Variants in KMT2A observed in about 807,000 individuals in gnomAD.
The protein encoded by KMT2A is histone-lysine N-methyltransferase 2A.
KMT2A carries 16 observed loss-of-function variants against 345.3 expected under a neutral mutation model. The observed-to-expected ratio is 0.05, with a 90% CI of 0.03 to 0.07. The LOEUF (loss-of-function observed/expected upper bound fraction) is 0.07. Ranked by LOEUF, KMT2A falls within the 10% of genes least tolerant of loss-of-function variation. The pLI, the probability that KMT2A is intolerant of heterozygous loss-of-function variation, is 1.00. For synonymous variants in KMT2A, 1,599 were observed against 1,778.6 expected (o/e 0.90, Z 2.54); for missense variants, 3,272 against 4,841.6 (o/e 0.68, Z 9.62).
In KMT2A at chr11:118,481,788, C is replaced by T. The variant is rs375849517; in HGVS notation, c.3708C>T (p.Asn1236=). The stretch of plus-strand genomic sequence containing the variant: ...GCAAAGAGAGCAGTGTTGTGAAGAA[C>T]GTGGTGGACTCTAGTCAGAAACCTA... ...KDSKESSVVK[N]VVDSSQKPTP... is the part of the protein sequence containing the mutation. The change falls in exon 7 of 36, where the codon AAC becomes AAT. Residue 1236 remains asparagine, a synonymous_variant. Transcript: ENST00000534358. 1.5e-5 allele frequency: 24 copies of T among 1,614,048 alleles called. No individual in the cohort carries two copies. The highest frequency in any genetic ancestry group is 1.6e-4 in the Middle Eastern group (1 of 6,084).
chr11:118,516,941 T>G (rs187584304), intron 31 of KMT2A, among the ~76,000 whole-genome samples: 1 of 152,242 alleles, frequency 6.6e-6, no homozygotes, highest in East Asian at 1.9e-4. Context: ...CTCTGGTGAG[T>G]GAGAGTTGAA....
At chr11:118,440,850 G>T (rs1949298414) in intron 1 of KMT2A, among the ~76,000 whole-genome samples, 1 of 149,548 alleles carries the variant, frequency 6.7e-6, no homozygotes, top group Non-Finnish European at 1.5e-5. Flanking sequence ...CTCCTTCGTT[G>T]CCTTCACAGC....
chr11:118,459,873 G>A (rs1555032048), intron 1 of KMT2A, among the ~76,000 whole-genome samples: 1 of 151,434 alleles, frequency 6.6e-6, no homozygotes, highest in Non-Finnish European at 1.5e-5. Flanking sequence ...TTTTGGTAGA[G>A]ACAGGGTTTC....
intron 1 of KMT2A, among the ~76,000 whole-genome samples, chr11:118,438,443 G>A (rs1949244844): frequency 7.0e-6 from 1 of 143,246 alleles, no homozygotes; most frequent in Non-Finnish European, 1.5e-5. Context: ...TTGTAGAGGG[G>A]GGAGGATGGC....
In KMT2A at chr11:118,523,342, G is replaced by T; in HGVS notation, c.*1170G>T. The T allele has an allele frequency of 4.4e-6, 1 of 229,024 alleles. No homozygotes were observed. Among genetic ancestry groups the T allele is most frequent in the East Asian group, 6.3e-5 (1 of 15,954 alleles). The allele number at this position is 229,024 out of a possible 1,614,324, so 14.2% of individuals were successfully genotyped here. On this transcript the variant is annotated 3_prime_UTR_variant, in exon 36 of 36. Coordinates refer to ENST00000534358, the MANE Select transcript of KMT2A (RefSeq NM_001197104.2). ...AATCAGATTTCAAGGCCCACAACTT[G>T]GGGACTAGACCACCTTATGTTGAGG...
chr11:118,469,152 T>C (rs1489674788), intron 2 of KMT2A, among the ~76,000 whole-genome samples: 1 of 83,032 alleles, frequency 1.2e-5, no homozygotes, highest in Admixed American at 1.5e-4. Flanking sequence ...TCCCCCCAGC[T>C]AGACTTCTTT....
In KMT2A at chr11:118,502,546, T is replaced by C; in HGVS notation, c.6654T>C (p.Thr2218=). The change falls in exon 27 of 36, where the codon ACT becomes ACC. Residue 2218 remains threonine, a synonymous_variant. Transcript: ENST00000534358. This position sits in a 1 kb window ranked among gnomAD's most constrained non-coding sequence, Gnocchi z 4.9. Reference sequence around the variant, plus strand: ...TCCGGATAATGTCTCCAATGAGAACTGGGAATACTTACTCTAGGAATAATG... The same window carrying C: ...TCCGGATAATGTCTCCAATGAGAACCGGGAATACTTACTCTAGGAATAATG... ...SKLRIMSPMR[T]GNTYSRNNVS... 6.2e-7 allele frequency: 1 copy of C among 1,614,140 alleles called. No homozygotes were observed. The highest frequency in any genetic ancestry group is 8.5e-7 in the Non-Finnish European group (1 of 1,180,014).
intron 31 of KMT2A, among the ~76,000 whole-genome samples, chr11:118,512,858 T>G (rs76091267): frequency 0.02 from 3,068 of 152,208 alleles, 116 homozygotes; most frequent in African/African-American, 0.068. Flanking sequence ...TTTCTTAAAG[T>G]TGAAATCATT....
chr11:118,488,121 A>G (rs952067684), intron 10 of KMT2A, among the ~76,000 whole-genome samples: 2 of 152,262 alleles, frequency 1.3e-5, no homozygotes, highest in African/African-American at 4.8e-5. Flanking sequence ...CGGAGGTTGC[A>G]GTGAGTCGAG....
At position 118,473,133 on chromosome 11, in the gene KMT2A, C is replaced by T. The variant is rs9332773; in HGVS notation, c.1974C>T (p.Pro658=). 1.4e-3 allele frequency: 2,210 copies of T among 1,614,164 alleles called. 41 individuals are homozygous for T. The East Asian group carries it at 0.036, about 27-fold the overall frequency. The part of the protein sequence containing the change: ...FDNFRPPPLT[P]EDVGFASGFS... ...ATTTCCGACCCCCTCCACTAACTCC[C>T]GAGGACGTTGGCTTTGCATCTGGTT... Residue 658 remains proline (P), a synonymous_variant, in exon 3 of 36, where the codon CCC becomes CCT. Transcript: ENST00000534358. This position sits in a 1 kb window ranked among gnomAD's most constrained non-coding sequence, Gnocchi z 5.2.
Position 118,490,266 on chromosome 11 carries a change from G to C in KMT2A, c.4696+17G>C. 1 of 1,536,778 alleles carries C rather than the reference G, an allele frequency of 6.5e-7. No homozygotes were observed. The highest frequency in any genetic ancestry group is 1.3e-5 in the South Asian group (1 of 77,922). ...TTGCTAAAGGTACCCAAAAAAGCCA[G>C]TTTTGCCAGCTTTCGGAGGTTGTAC... On this transcript the variant is annotated intron_variant, in intron 13 of 35. Coordinates refer to ENST00000534358, the MANE Select transcript of KMT2A (RefSeq NM_001197104.2). This position sits in a 1 kb window ranked among gnomAD's most constrained non-coding sequence, Gnocchi z 4.2.
In KMT2A at chr11:118,471,874, A is replaced by G. The variant is rs782802602; in HGVS notation, c.715A>G (p.Lys239Glu). ...PGVKIKITHG[K>E]DISELPKGNK... is the part of the protein sequence containing the mutation. ...AGTAAAAATCAAAATAACACATGGA[A>G]AGGACATTTCAGAGTTACCAAAGGG... is the stretch of plus-strand genomic sequence containing the variant. The change falls in exon 3 of 36, where the codon AAG becomes GAG. Residue 239 changes from lysine to glutamate, a missense_variant. Around this residue, in one of 27 missense-constraint regions of KMT2A, gnomAD observed 412 missense variants for 511.0 expected, o/e 0.81. Coordinates refer to ENST00000534358, the MANE Select transcript of KMT2A (RefSeq NM_001197104.2). 1.2e-6 allele frequency: 2 copies of G among 1,613,166 alleles called. No individual in the cohort carries two copies. Among genetic ancestry groups the G allele is most frequent in the Non-Finnish European group, 1.7e-6 (2 of 1,179,724 alleles).
Position 118,520,799 on chromosome 11 carries a change from T to C in KMT2A, c.11430-3T>C, listed in dbSNP as rs1346666618. On this transcript the variant is annotated splice_polypyrimidine_tract_variant and splice_region_variant and intron_variant, in intron 33 of 35. Coordinates refer to ENST00000534358, the MANE Select transcript of KMT2A (RefSeq NM_001197104.2). This position sits in a 1 kb window ranked among gnomAD's most constrained non-coding sequence, Gnocchi z 4.3. ...TTCGTTAATAGTATGTCTTATCTCTTAGGAGGGCAACTAGCATGGATCTGC... is the reference window on the plus strand; with the variant it reads ...TTCGTTAATAGTATGTCTTATCTCTCAGGAGGGCAACTAGCATGGATCTGC... 6.2e-7 allele frequency: 1 copy of C among 1,612,996 alleles called. No individual in the cohort carries two copies. Among genetic ancestry groups the C allele is most frequent in the African/African-American group, 1.3e-5 (1 of 75,012 alleles).
chr11:118,498,059 A>C lies in KMT2A; in HGVS notation c.5788A>C (p.Arg1930=). The C allele has an allele frequency of 6.2e-7, 1 of 1,614,070 alleles. No homozygotes were observed. The highest frequency in any genetic ancestry group is 8.5e-7 in the Non-Finnish European group (1 of 1,179,978). The part of the protein sequence containing the change: ...SLKNVHMAVI[R]GKQLRCEFCQ... ...AAAGAATGTGCATATGGCTGTGATC[A>C]GGGGCAAGCAGCTGGTAAGACCTTA... is the stretch of plus-strand genomic sequence containing the variant. The change falls in exon 21 of 36, where the codon AGG becomes CGG. Residue 1930 remains arginine, a synonymous_variant. Transcript: ENST00000534358. The surrounding 1 kb of genome is among the most constrained non-coding windows in gnomAD (Gnocchi z 4.4).
Position 118,436,671 on chromosome 11 carries a change from G to T in KMT2A, c.159G>T (p.Ala53=), listed in dbSNP as rs1949187348. The change falls in exon 1 of 36, where the codon GCG becomes GCT. Residue 53 remains alanine (A), a synonymous_variant. Transcript: ENST00000534358. This position sits in a 1 kb window ranked among gnomAD's most constrained non-coding sequence, Gnocchi z 6.9. ...CGGTCGGCGGTGGCGGCCCCGGGGC[G>T]CCCCCCTCCCCCCCGGCTGTGGCGG... ...GPPVGGGGPG[A]PPSPPAVAAA... 1 of 1,223,172 alleles carries T rather than the reference G, an allele frequency of 8.2e-7. No individual in the cohort carries two copies. Among genetic ancestry groups the T allele is most frequent in the Non-Finnish European group, 1.0e-6 (1 of 979,600 alleles). 75.8% of individuals were successfully genotyped at this position (1,223,172 alleles called of 1,614,324 possible). A position where few individuals can be genotyped will look rare whatever the true frequency, so the allele number is the denominator to read the frequency against.
chr11:118,510,217 C>G lies in KMT2A; in HGVS notation c.11071+99C>G, dbSNP rs1950659330. 1 of 947,120 alleles carries G rather than the reference C, an allele frequency of 1.1e-6. No homozygotes were observed. Among genetic ancestry groups the G allele is most frequent in the African/African-American group, 1.7e-5 (1 of 60,036 alleles). 58.7% of individuals were successfully genotyped at this position (947,120 alleles called of 1,614,324 possible). A position where few individuals can be genotyped will look rare whatever the true frequency, so the allele number is the denominator to read the frequency against. ...GCACCATTTAGGTGGCTGTTTTATG[C>G]TAGATGGTAGGGGGATACCTGGAGG... is the stretch of plus-strand genomic sequence containing the variant. On this transcript the variant is annotated intron_variant, in intron 30 of 35. Coordinates refer to ENST00000534358, the MANE Select transcript of KMT2A (RefSeq NM_001197104.2). The surrounding 1 kb of genome is among the most constrained non-coding windows in gnomAD (Gnocchi z 4.1).
rs1555138793 is a variant in KMT2A, at chr11:118,436,887, C to T, written c.375C>T (p.Asn125=). 1 of 1,590,676 alleles carries T rather than the reference C, an allele frequency of 6.3e-7. No individual in the cohort carries two copies. Among genetic ancestry groups the T allele is most frequent in the Non-Finnish European group, 8.6e-7 (1 of 1,168,800 alleles). Residue 125 remains asparagine (N), a synonymous_variant, in exon 1 of 36, where the codon AAC becomes AAT. Coordinates refer to ENST00000534358, the MANE Select transcript of KMT2A (RefSeq NM_001197104.2). This position sits in a 1 kb window ranked among gnomAD's most constrained non-coding sequence, Gnocchi z 6.9. Reference sequence around the variant, plus strand: ...AGGTCTCGGCCGCCATCGGCACCAACCTGCGCCGGTTCCGGGCCGTGTTTG... The same window carrying T: ...AGGTCTCGGCCGCCATCGGCACCAATCTGCGCCGGTTCCGGGCCGTGTTTG... ...ALQVSAAIGT[N]LRRFRAVFGE...
At chr11:118,500,104 G>A (rs782817695) in intron 24 of KMT2A, among the ~76,000 whole-genome samples, 191 bp downstream of exon 24, 1 of 152,096 alleles carries the variant, frequency 6.6e-6, no homozygotes, top group Non-Finnish European at 1.5e-5. Flanking sequence ...TCCAGTTATA[G>A]AAGGAAAGTA....
Position 118,503,145 on chromosome 11 carries a change from A to G in KMT2A, c.7253A>G (p.Asn2418Ser), listed in dbSNP as rs1950528078. The change falls in exon 27 of 36, where the codon AAC becomes AGC. Residue 2418 changes from asparagine to serine, a missense_variant. Asn to Ser is a conservative substitution (Grantham distance 46, BLOSUM62 1). This residue lies in a region of KMT2A where 445 missense variants were observed against 500.9 expected (regional missense o/e 0.89). Transcript: ENST00000534358. This position sits in a 1 kb window ranked among gnomAD's most constrained non-coding sequence, Gnocchi z 5.3. ...SGMSNRSSII[N>S]EHMGSSSRDR... The stretch of plus-strand genomic sequence containing the variant: ...ATGAGCAACAGATCATCCATTATCA[A>G]CGAACATATGGGATCTAGTTCCAGA... 1.2e-6 allele frequency: 2 copies of G among 1,613,980 alleles called. No individual in the cohort carries two copies. Among genetic ancestry groups the G allele is most frequent in the Non-Finnish European group, 1.7e-6 (2 of 1,180,034 alleles).
Sources: allele counts gnomAD v4.1 joint callset (sites outside exome capture counted in the v4.1 genomes callset), GRCh38; gene constraint gnomAD v4.1.1; regional missense constraint gnomAD v4.1.1; non-coding constraint Gnocchi (gnomAD v3.1); transcripts MANE v1.5; gene names NCBI Gene and HGNC (gene_info 2026-07-23, HGNC 2026-07-21).